LRRC3B: variants seen among roughly 807,000 people sequenced by gnomAD.
LRRC3B encodes leucine rich repeat containing 3B.
Under a neutral mutation model 12.8 loss-of-function variants are expected in LRRC3B, and 2 were observed. The observed-to-expected ratio is 0.16, with a 90% CI of 0.06 to 0.49. The LOEUF (loss-of-function observed/expected upper bound fraction) is 0.49, where lower values mean the gene tolerates loss of function less well. Among genes scored for constraint, LRRC3B ranks in the 20% least tolerant of loss-of-function variants. LRRC3B has a pLI of 0.96. For synonymous variants in LRRC3B, 132 were observed against 122.0 expected (o/e 1.08, Z -0.54); for missense variants, 189 against 319.4 (o/e 0.59, Z 3.11).
At chr3:26,685,513 CTCTCTCTCTCTATA>C (rs1285272807) in intron 1 of LRRC3B, among the ~76,000 whole-genome samples, 8 of 53,296 alleles carry the variant, frequency 1.5e-4, no homozygotes, top group South Asian at 8.0e-4. Flanking sequence ...CTCTCTCTCT[CTCTCTCTCTCTATA>C]TATATATATA....
chr3:26,637,698 A>G (rs1161146767), intron 1 of LRRC3B, among the ~76,000 whole-genome samples: 1 of 152,156 alleles, frequency 6.6e-6, no homozygotes, highest in Non-Finnish European at 1.5e-5. Flanking sequence ...GTCTGGTGAA[A>G]CCTATGTACC....
At chr3:26,693,214 A>C (rs1392328092) in intron 1 of LRRC3B, among the ~76,000 whole-genome samples, 1 of 149,054 alleles carries the variant, frequency 6.7e-6, no homozygotes, top group Non-Finnish European at 1.5e-5. Flanking sequence ...CTGTAGTCCC[A>C]GCTACACAGG....
chr3:26,649,280 C>T (rs1028972254), intron 1 of LRRC3B, among the ~76,000 whole-genome samples: 16 of 152,208 alleles, frequency 1.1e-4, no homozygotes, highest in African/African-American at 2.9e-4. Flanking sequence ...TGCTTGTTTT[C>T]GAGAATGGGC....
rs141795970 is a variant in LRRC3B at position 26,659,405 on chromosome 3, A to T, written c.-161+36168A>T. ...TTCATCTCTCCAACCCAGTTCCACC[A>T]TCTGCAAGGTGGGCCTAAGATGCCC... On this transcript the variant is annotated intron_variant, in intron 1 of 1. Transcript: ENST00000396641. 6.0e-3 allele frequency among the ~76,000 whole-genome samples: 921 copies of T among 152,326 alleles called. 4 individuals are homozygous for T. Among genetic ancestry groups the T allele is most frequent in the Non-Finnish European group, 8.4e-3 (570 of 68,024 alleles).
intron 1 of LRRC3B, among the ~76,000 whole-genome samples, chr3:26,669,221 G>C (rs1699669740): frequency 6.6e-6 from 1 of 152,168 alleles, no homozygotes. Flanking sequence ...GAAGGTGAAA[G>C]CAAAAATTCG....
At chr3:26,665,540 G>A (rs1002683108) in intron 1 of LRRC3B, among the ~76,000 whole-genome samples, 9 of 152,068 alleles carry the variant, frequency 5.9e-5, no homozygotes, top group Admixed American at 5.2e-4. Flanking sequence ...GAAAAGCATG[G>A]AGTTCGGTAT....
chr3:26,691,733 C>T lies in LRRC3B; in HGVS notation c.-160-17780C>T, dbSNP rs549195761. 3.9e-5 allele frequency among the ~76,000 whole-genome samples: 6 copies of T among 152,296 alleles called. 1 individual carries two copies. The South Asian group carries it at 1.2e-3, about 32-fold the overall frequency. ...GGGAGAGCACTCTCTTGATAGCCTA[C>T]TCTTCAGTCGTGGATAATGGACAGT... On this transcript the variant is annotated intron_variant, in intron 1 of 1. Transcript: ENST00000396641.
intron 1 of LRRC3B, among the ~76,000 whole-genome samples, chr3:26,642,151 G>A (rs902507482): frequency 1.3e-5 from 2 of 152,198 alleles, no homozygotes; most frequent in African/African-American, 4.8e-5. Context: ...CATTCACTCT[G>A]TTGTGATATT....
intron 1 of LRRC3B, among the ~76,000 whole-genome samples, chr3:26,639,462 A>G (rs1204310858): frequency 6.7e-6 from 1 of 150,032 alleles, no homozygotes; most frequent in Non-Finnish European, 1.5e-5. Flanking sequence ...ACATTTTCCA[A>G]TGACTGAATT....
intron 1 of LRRC3B, among the ~76,000 whole-genome samples, chr3:26,690,748 A>G (rs986520892): frequency 6.6e-6 from 1 of 152,092 alleles, no homozygotes; most frequent in Non-Finnish European, 1.5e-5. Flanking sequence ...TATCTAACTG[A>G]GAAGATAAAC....
intron 1 of LRRC3B, among the ~76,000 whole-genome samples, chr3:26,672,038 G>A (rs902210758): frequency 3.3e-5 from 5 of 152,108 alleles, no homozygotes; most frequent in Admixed American, 1.3e-4. Context: ...TTTCAATAAC[G>A]TGTTCTCTGC....
At chr3:26,626,092 G>A (rs776747071) in intron 1 of LRRC3B, among the ~76,000 whole-genome samples, 13 of 152,178 alleles carry the variant, frequency 8.5e-5, no homozygotes, top group Non-Finnish European at 1.5e-4. Context: ...TACTATAAGT[G>A]CCAGTCCTGG....
At chr3:26,650,924 A>T (rs1426394436) in intron 1 of LRRC3B, among the ~76,000 whole-genome samples, 1 of 152,178 alleles carries the variant, frequency 6.6e-6, no homozygotes, top group Non-Finnish European at 1.5e-5. Flanking sequence ...TCTAAACAGT[A>T]AATTGATGTG....
chr3:26,680,830 C>T (rs1699956010), intron 1 of LRRC3B, among the ~76,000 whole-genome samples: 1 of 152,200 alleles, frequency 6.6e-6, no homozygotes, highest in Admixed American at 6.5e-5. Flanking sequence ...TTTATTTTGG[C>T]ATATCCTAAA....
intron 1 of LRRC3B, among the ~76,000 whole-genome samples, chr3:26,635,768 G>T (rs1450865464): frequency 6.6e-6 from 1 of 152,164 alleles, no homozygotes; most frequent in Non-Finnish European, 1.5e-5. Context: ...CCTCGCTTTT[G>T]CATCTGTGTA....
chr3:26,638,528 A>G (rs1455257000), intron 1 of LRRC3B, among the ~76,000 whole-genome samples: 1 of 152,214 alleles, frequency 6.6e-6, no homozygotes, highest in African/African-American at 2.4e-5. Context: ...GTGTGAATCA[A>G]TACCTGATGA....
intron 1 of LRRC3B, among the ~76,000 whole-genome samples, chr3:26,708,218 T>C (rs1700651874): frequency 6.6e-6 from 1 of 152,170 alleles, no homozygotes; most frequent in Admixed American, 6.5e-5. Flanking sequence ...GTTTCTTAGA[T>C]CCTGGGAGGG....
At chr3:26,704,299 A>C (rs1700529711) in intron 1 of LRRC3B, among the ~76,000 whole-genome samples, 1 of 152,014 alleles carries the variant, frequency 6.6e-6, no homozygotes. Context: ...TAAATTTTTG[A>C]TAGATATTCC....
chr3:26,695,673 C>T (rs1314307288), intron 1 of LRRC3B, among the ~76,000 whole-genome samples: 1 of 152,204 alleles, frequency 6.6e-6, no homozygotes, highest in African/African-American at 2.4e-5. Context: ...CCCAATGTCT[C>T]TTCTTAGGAA....
Sources: gnomAD v4.1 joint callset for allele counts (sites outside exome capture counted in the v4.1 genomes callset) on GRCh38, gnomAD v4.1.1 for gene constraint, MANE v1.5 for transcripts, NCBI Gene and HGNC (gene_info 2026-07-23, HGNC 2026-07-21) for gene names.